The following ANK1 variants were observed in gnomAD, a reference collection of about 807,000 sequenced individuals.
ANK1 encodes the protein ankyrin 1, also known as ankyrin-1.
Under a neutral mutation model 210.4 loss-of-function variants are expected in ANK1, and 51 were observed. The ratio of observed to expected loss-of-function variants is 0.24; its 90% CI spans 0.19 to 0.31. The LOEUF (loss-of-function observed/expected upper bound fraction) is 0.31, where lower values mean the gene tolerates loss of function less well. Ranked by LOEUF, ANK1 falls within the 10% of genes least tolerant of loss-of-function variation. The pLI, the probability that ANK1 is intolerant of heterozygous loss-of-function variation, is 1.00. For missense variants in ANK1, 2,051 were observed against 2,504.4 expected (o/e 0.82, Z 3.86); for synonymous variants, 967 against 1,025.9 (o/e 0.94, Z 1.10).
At chr8:41,842,425 G>A (rs936626307) in intron 1 of ANK1, among the ~76,000 whole-genome samples, 2 of 152,022 alleles carry the variant, frequency 1.3e-5, no homozygotes, top group African/African-American at 4.8e-5. Flanking sequence ...CCCAGGAGGC[G>A]GAGGTTGCAG....
intron 1 of ANK1, among the ~76,000 whole-genome samples, chr8:41,766,351 C>T (rs1285656829): frequency 1.3e-5 from 2 of 152,236 alleles, no homozygotes; most frequent in African/African-American, 4.8e-5. Flanking sequence ...CAGAGGTGAA[C>T]ACTGGGCCCT....
chr8:41,668,863 T>C (rs915659719), intron 38 of ANK1, among the ~76,000 whole-genome samples: 1 of 152,128 alleles, frequency 6.6e-6, no homozygotes, highest in African/African-American at 2.4e-5. Flanking sequence ...TGGCTCACCC[T>C]AATGGTCCAA....
At chr8:41,875,018 G>A (rs1299914494) in intron 1 of ANK1, among the ~76,000 whole-genome samples, 1 of 152,212 alleles carries the variant, frequency 6.6e-6, no homozygotes, top group Admixed American at 6.5e-5. Flanking sequence ...GGTCCAGAGA[G>A]GACGGGCCCA....
chr8:41,808,142 A>T (rs1171276187), intron 1 of ANK1, among the ~76,000 whole-genome samples: 1 of 152,182 alleles, frequency 6.6e-6, no homozygotes, highest in Admixed American at 6.5e-5. Flanking sequence ...CACCTCCTCT[A>T]TGAGTGCAGC....
At chr8:41,677,414 C>G (rs892222077) in intron 37 of ANK1, among the ~76,000 whole-genome samples, 3 of 151,836 alleles carry the variant, frequency 2.0e-5, no homozygotes, top group Non-Finnish European at 4.4e-5. Context: ...TCTTCTTTTT[C>G]TAATTTCTTA....
intron 37 of ANK1, among the ~76,000 whole-genome samples, chr8:41,675,446 A>AC (rs1813827590): frequency 6.6e-6 from 1 of 152,234 alleles, no homozygotes; most frequent in Admixed American, 6.5e-5. Flanking sequence ...TTTAATTGCC[A>AC]CAACAACCAC....
At chr8:41,842,091 C>T (rs1266992610) in intron 1 of ANK1, among the ~76,000 whole-genome samples, 1 of 152,364 alleles carries the variant, frequency 6.6e-6, no homozygotes, top group East Asian at 1.9e-4. Flanking sequence ...ACTGCTCTGA[C>T]TGTGACCCAG....
chr8:41,694,073 A>G lies in ANK1; in HGVS notation c.3357T>C (p.Thr1119=). Residue 1119 remains threonine (T), a synonymous_variant, in exon 29 of 43, where the codon ACT becomes ACC. Transcript: ENST00000289734. The surrounding 1 kb of genome is among the most constrained non-coding windows in gnomAD (Gnocchi z 5.7). ...QAQPVPDELV[T]KLLGNQATFS... ...ATGTGGCCTGGTTGCCCAGGAGCTT[A>G]GTGACAAGCTCATCCGGGACAGGCT... 2 of 1,613,990 alleles carry G rather than the reference A, an allele frequency of 1.2e-6. No individual in the cohort carries two copies. Among genetic ancestry groups the G allele is most frequent in the South Asian group, 1.1e-5 (1 of 91,030 alleles).
At position 41,696,436 on chromosome 8, in the gene ANK1, G is replaced by T; in HGVS notation, c.2887C>A (p.Pro963Thr). 6.2e-7 allele frequency: 1 copy of T among 1,613,260 alleles called. No homozygotes were observed. Among genetic ancestry groups the T allele is most frequent in the Non-Finnish European group, 8.5e-7 (1 of 1,179,848 alleles). ...LVKPQKLSTP[P>T]PLAEEEGLAS... is the part of the protein sequence containing the mutation. ...AGGCCCTCCTCCTCGGCCAGTGGGG[G>T]CGGCGTGCTGAGCTTCTGGGGCTTG... Residue 963 changes from proline (P) to threonine (T), a missense_variant, in exon 26 of 43, where the codon CCC becomes ACC. By Grantham distance (38) the Pro-to-Thr change is conservative. Coordinates refer to ENST00000289734, the MANE Select transcript of ANK1 (RefSeq NM_000037.4).
At chr8:41,882,255 G>A (rs910166379) in intron 1 of ANK1, among the ~76,000 whole-genome samples, 3 of 152,042 alleles carry the variant, frequency 2.0e-5, no homozygotes, top group African/African-American at 4.8e-5. Flanking sequence ...GTAACACCAC[G>A]GGACACCATC....
At chr8:41,895,904 C>CA (rs1554674047) in intron 1 of ANK1, among the ~76,000 whole-genome samples, 1 of 151,930 alleles carries the variant, frequency 6.6e-6, no homozygotes, top group African/African-American at 2.4e-5. Context: ...CAGAGCTGCC[C>CA]CCCCCCGGCC....
Position 41,718,684 on chromosome 8 carries a change from T to C in ANK1, c.1108-480A>G, listed in dbSNP as rs139123067. Among the ~76,000 whole-genome samples, 28 of 152,300 alleles carry C rather than the reference T, an allele frequency of 1.8e-4. 2 individuals carry two copies. In the East Asian group the frequency reaches 5.4e-3, roughly 29 times the overall value. On this transcript the variant is annotated intron_variant, in intron 10 of 42. Transcript: ENST00000289734. ...ATTTGTTTTTGTCTGTTTTTTTCAGTGGTTTATCCACTTAAGGCAGTGGTT... is the reference window on the plus strand; with the variant it reads ...ATTTGTTTTTGTCTGTTTTTTTCAGCGGTTTATCCACTTAAGGCAGTGGTT...
At chr8:41,703,445 TATATA>T (rs1301317111) in intron 20 of ANK1, among the ~76,000 whole-genome samples, 1,864 of 69,626 alleles carry the variant, frequency 0.027, 38 homozygotes, top group Non-Finnish European at 0.04. Context: ...TATATATATA[TATATA>T]TTTTTTTTTT....
At chr8:41,670,486 C>G (rs17659744) in intron 38 of ANK1, among the ~76,000 whole-genome samples, 7,428 of 152,198 alleles carry the variant, frequency 0.049, 269 homozygotes, top group Non-Finnish European at 0.072. Context: ...AATGGCCGTC[C>G]CAGGAAGGTG....
chr8:41,781,409 C>T (rs546183130), intron 1 of ANK1, among the ~76,000 whole-genome samples: 9 of 152,204 alleles, frequency 5.9e-5, no homozygotes, highest in East Asian at 1.9e-4. Context: ...GCAGAATTCA[C>T]GAGAATCTGT....
intron 1 of ANK1, among the ~76,000 whole-genome samples, chr8:41,880,309 G>T (rs552325679): frequency 2.4e-4 from 37 of 152,316 alleles, no homozygotes; most frequent in African/African-American, 8.7e-4. Context: ...GCCAGGTCCT[G>T]CACAGTAAAA....
At chr8:41,838,775 A>ATAATAATAATAATAATAC (rs1193583356) in intron 1 of ANK1, among the ~76,000 whole-genome samples, 2 of 145,374 alleles carry the variant, frequency 1.4e-5, no homozygotes, top group East Asian at 4.2e-4. Flanking sequence ...AAAAATAATA[A>ATAATAATAATAATAATAC]TAATAATAAT....
chr8:41,821,774 G>A (rs1485959694), intron 1 of ANK1, among the ~76,000 whole-genome samples: 3 of 152,058 alleles, frequency 2.0e-5, no homozygotes, highest in Non-Finnish European at 4.4e-5. Flanking sequence ...TTGGCCAGGC[G>A]CGGTGGCTTA....
intron 13 of ANK1, 63 bp from the exon 14 acceptor site, chr8:41,715,912 C>T (rs1827543196): frequency 1.2e-6 from 2 of 1,600,114 alleles, no homozygotes; most frequent in South Asian, 1.1e-5. Flanking sequence ...AACTTTTCAT[C>T]TTACAGAGAA....
Sources: gnomAD v4.1 joint callset for allele counts (sites outside exome capture counted in the v4.1 genomes callset) on GRCh38, gnomAD v4.1.1 for gene constraint, Gnocchi (gnomAD v3.1) non-coding constraint, MANE v1.5 for transcripts, NCBI Gene and HGNC (gene_info 2026-07-23, HGNC 2026-07-21) for gene names.